DLC1: variants seen among roughly 807,000 people sequenced by gnomAD.
DLC1 encodes the protein rho GTPase-activating protein 7.
DLC1 carries 54 observed loss-of-function variants against 140.3 expected under a neutral mutation model. The observed-to-expected ratio is 0.38, with a 90% CI of 0.31 to 0.48. The LOEUF (loss-of-function observed/expected upper bound fraction) is 0.48, where lower values mean the gene tolerates loss of function less well. Among genes scored for constraint, DLC1 ranks in the 20% least tolerant of loss-of-function variants. DLC1 has a pLI of 0.96. For synonymous variants in DLC1, 986 were observed against 728.1 expected (o/e 1.35, Z -5.70); for missense variants, 2,536 against 1,907.0 (o/e 1.33, Z -6.14).
At chr8:13,527,449 A>G (rs1016749051) in intron 1 of DLC1, among the ~76,000 whole-genome samples, 2 of 152,162 alleles carry the variant, frequency 1.3e-5, no homozygotes, top group African/African-American at 4.8e-5. Flanking sequence ...TAAACCATCC[A>G]TTGTTATACT....
intron 5 of DLC1, among the ~76,000 whole-genome samples, chr8:13,265,653 T>TG (rs1171308576): frequency 1.3e-5 from 2 of 152,002 alleles, no homozygotes; most frequent in African/African-American, 4.8e-5. Context: ...TCATAGGCTG[T>TG]GGGTTTTTTT....
rs139033630 is a variant in DLC1 at position 13,282,201 on chromosome 8, G to A, written c.1348+23068C>T. ...TATAATTGGCCATTTTAATGCTTTCGTCAAGCTATTTTCAAGTTGCTTTGA... is the reference window on the plus strand; with the variant it reads ...TATAATTGGCCATTTTAATGCTTTCATCAAGCTATTTTCAAGTTGCTTTGA... On this transcript the variant is annotated intron_variant, in intron 5 of 17. Coordinates refer to ENST00000276297, the MANE Select transcript of DLC1 (RefSeq NM_182643.3). Among the ~76,000 whole-genome samples the A allele has an allele frequency of 1.0e-3, 157 of 152,190 alleles. 1 individual carries two copies. Among genetic ancestry groups the A allele is most frequent in the African/African-American group, 3.4e-3 (141 of 41,528 alleles).
chr8:13,191,893 T>A (rs776198755), intron 5 of DLC1, among the ~76,000 whole-genome samples: 11 of 151,558 alleles, frequency 7.3e-5, no homozygotes, highest in Non-Finnish European at 1.6e-4. Context: ...CGTCTCCTTT[T>A]CTATTAAAAC....
intron 2 of DLC1, among the ~76,000 whole-genome samples, chr8:13,456,407 T>G (rs977335812): frequency 6.6e-6 from 1 of 152,020 alleles, no homozygotes; most frequent in African/African-American, 2.4e-5. Flanking sequence ...CTTGTGGGAG[T>G]TGACAGGTAG....
chr8:13,312,786 A>G (rs984625140), intron 4 of DLC1, among the ~76,000 whole-genome samples: 3 of 152,170 alleles, frequency 2.0e-5, no homozygotes, highest in Admixed American at 6.5e-5. Context: ...TGTGGTAGCC[A>G]CTTAGAAATA....
At chr8:13,256,556 A>G (rs1830236860) in intron 5 of DLC1, among the ~76,000 whole-genome samples, 1 of 152,208 alleles carries the variant, frequency 6.6e-6, no homozygotes, top group African/African-American at 2.4e-5. Context: ...AAAAGGAATG[A>G]GTTCATGTCC....
At chr8:13,474,584 C>T (rs1467396028) in intron 2 of DLC1, among the ~76,000 whole-genome samples, 1 of 152,178 alleles carries the variant, frequency 6.6e-6, no homozygotes, top group Non-Finnish European at 1.5e-5. Context: ...CAACACCAGC[C>T]CGTGAAAGCA....
chr8:13,299,213 C>T (rs1041341547), intron 5 of DLC1, among the ~76,000 whole-genome samples: 1 of 151,628 alleles, frequency 6.6e-6, no homozygotes. Flanking sequence ...GAGGCCAAGG[C>T]GGGTGGATCC....
chr8:13,303,017 T>A lies in DLC1; in HGVS notation c.1348+2252A>T, dbSNP rs201024443. 1.7e-4 allele frequency among the ~76,000 whole-genome samples: 26 copies of A among 152,382 alleles called. No individual in the cohort carries two copies. In the East Asian group the frequency reaches 5.0e-3, roughly 29 times the overall value. ...CACATTCTCTTTTGAATTGTCATAT[T>A]TGTTACCGTGATTCATAAAATATTC... On this transcript the variant is annotated intron_variant, in intron 5 of 17. Coordinates refer to ENST00000276297, the MANE Select transcript of DLC1 (RefSeq NM_182643.3).
At position 13,276,356 on chromosome 8, in the gene DLC1, G is replaced by T. The variant is rs540833023; in HGVS notation, c.1348+28913C>A. 5.0e-5 allele frequency: 76 copies of T among 1,523,218 alleles called. No homozygotes were observed. The African/African-American group carries it at 9.9e-4, about 20-fold the overall frequency. 94.4% of individuals were successfully genotyped at this position (1,523,218 alleles called of 1,614,324 possible). On this transcript the variant is annotated intron_variant, in intron 5 of 17. Transcript: ENST00000276297. ...GATCGCTAAAGGACCTCCGGAGAGG[G>T]GCTCGCAGGGGGCGCGCCATCACGT...
chr8:13,336,767 T>C (rs1379346998), intron 4 of DLC1, among the ~76,000 whole-genome samples: 1 of 152,182 alleles, frequency 6.6e-6, no homozygotes, highest in East Asian at 1.9e-4. Context: ...ATTAATCAAT[T>C]AATAATGTAC....
At chr8:13,377,335 A>T (rs1229928243) in intron 4 of DLC1, among the ~76,000 whole-genome samples, 1 of 152,256 alleles carries the variant, frequency 6.6e-6, no homozygotes, top group African/African-American at 2.4e-5. Flanking sequence ...TAAATTACAT[A>T]TCCTTTGATA....
chr8:13,357,180 G>A (rs2117057940), intron 4 of DLC1, among the ~76,000 whole-genome samples: 1 of 152,238 alleles, frequency 6.6e-6, no homozygotes, highest in African/African-American at 2.4e-5. Flanking sequence ...CCAAGGCCCA[G>A]GAATCGCTTG....
Position 13,099,748 on chromosome 8 carries a change from C to T in DLC1, c.2589G>A (p.Leu863=). ...TGGAGCTGGAAGAATTGCGTCTCTTCAGTTCCTTGGGGCTGTCGCTACTGT... is the reference window on the plus strand; with the variant it reads ...TGGAGCTGGAAGAATTGCGTCTCTTTAGTTCCTTGGGGCTGTCGCTACTGT... ...RENSSDSPKE[L]KRRNSSSSMS... is the part of the protein sequence containing the mutation. Residue 863 remains leucine (L), a synonymous_variant, in exon 9 of 18, where the codon CTG becomes CTA. Transcript: ENST00000276297. 3.7e-6 allele frequency: 6 copies of T among 1,614,178 alleles called. No homozygotes were observed. The highest frequency in any genetic ancestry group is 5.1e-6 in the Non-Finnish European group (6 of 1,180,044).
At chr8:13,095,463 T>C in intron 10 of DLC1, 1 of 581,612 alleles carries the variant, frequency 1.7e-6, no homozygotes, top group Non-Finnish European at 3.0e-6. Context: ...CCTACTGTAT[T>C]GGCCTGTGCA....
intron 1 of DLC1, among the ~76,000 whole-genome samples, chr8:13,504,566 T>C (rs1801970074): frequency 6.6e-6 from 1 of 152,140 alleles, no homozygotes; most frequent in African/African-American, 2.4e-5. Flanking sequence ...ACGTAAGAAA[T>C]GTCGTTGTGA....
chr8:13,594,300 T>C (rs2117481368), intron 1 of DLC1, among the ~76,000 whole-genome samples: 1 of 152,250 alleles, frequency 6.6e-6, no homozygotes, highest in Middle Eastern at 3.4e-3. Flanking sequence ...TGATTTTGCC[T>C]GAGACACTGA....
At chr8:13,218,574 A>T (rs1585933638) in intron 5 of DLC1, among the ~76,000 whole-genome samples, 3 of 151,932 alleles carry the variant, frequency 2.0e-5, no homozygotes, top group East Asian at 3.9e-4. Context: ...ACAGTGATGT[A>T]ATGCTTCACA....
chr8:13,344,353 C>T (rs1415693997), intron 4 of DLC1, among the ~76,000 whole-genome samples: 2 of 152,144 alleles, frequency 1.3e-5, no homozygotes, highest in South Asian at 2.1e-4. Context: ...ATTAGCCGGG[C>T]ATGGTGGCAC....
Sources: gnomAD v4.1 joint callset for allele counts (sites outside exome capture counted in the v4.1 genomes callset) on GRCh38, gnomAD v4.1.1 for gene constraint, MANE v1.5 for transcripts, NCBI Gene and HGNC (gene_info 2026-07-23, HGNC 2026-07-21) for gene names.